UHRF1: variants seen among roughly 807,000 people sequenced by gnomAD.
UHRF1 encodes the protein E3 ubiquitin-protein ligase UHRF1.
A neutral mutation model predicts 96.5 loss-of-function variants in UHRF1; 9 were observed. The observed-to-expected ratio is 0.09, with a 90% CI of 0.06 to 0.16. UHRF1 has a LOEUF of 0.16. UHRF1 is among the 10% of genes least tolerant of loss of function. The pLI, the probability that UHRF1 is intolerant of heterozygous loss-of-function variation, is 1.00. For missense variants in UHRF1, 626 were observed against 1,131.1 expected (o/e 0.55, Z 6.40); for synonymous variants, 455 against 469.9 (o/e 0.97, Z 0.41).
At chr19:4,951,934 T>A (rs1374781321) in intron 13 of UHRF1, among the ~76,000 whole-genome samples, 1 of 152,124 alleles carries the variant, frequency 6.6e-6, no homozygotes, top group Non-Finnish European at 1.5e-5. Context: ...ATTTAAGGAA[T>A]CTTAATTGCT....
chr19:4,955,597 T>C (rs17880856), intron 15 of UHRF1, among the ~76,000 whole-genome samples: 105 of 152,092 alleles, frequency 6.9e-4, no homozygotes, highest in African/African-American at 2.5e-3. Context: ...TCTCTTCCCA[T>C]TTCCTTCAGG....
intron 2 of UHRF1, among the ~76,000 whole-genome samples, chr19:4,913,894 C>G (rs2032387602): frequency 1.3e-5 from 2 of 149,834 alleles, no homozygotes; most frequent in Non-Finnish European, 3.0e-5. Flanking sequence ...TTACCTCAAC[C>G]TCCACCTCCT....
rs1416181591 is a variant in UHRF1, at chr19:4,939,847, A to G, written c.786-1681A>G. Among the ~76,000 whole-genome samples, 3 of 152,034 alleles carry G rather than the reference A, an allele frequency of 2.0e-5. No individual in the cohort carries two copies. In the South Asian group the frequency reaches 6.2e-4, roughly 32 times the overall value. On this transcript the variant is annotated intron_variant, in intron 5 of 16. Transcript: ENST00000650932. ...AGACCATCCTGGCAAACACGGTGAA[A>G]CCCCGTCTCTACTAAAAATACAAAA...
At chr19:4,907,931 C>T (rs979079079), upstream of UHRF1, among the ~76,000 whole-genome samples, 5 of 150,044 alleles carry the variant, frequency 3.3e-5, no homozygotes, top group East Asian at 2.0e-4. Flanking sequence ...AGGCTGGTCT[C>T]GAACTCCTGA....
intron 2 of UHRF1, among the ~76,000 whole-genome samples, chr19:4,925,434 G>A (rs1193980640): frequency 3.9e-5 from 6 of 152,174 alleles, no homozygotes; most frequent in Non-Finnish European, 8.8e-5. Flanking sequence ...TGAGTGTGAT[G>A]TCCTCAAGGT....
chr19:4,919,495 A>G (rs1178209890), intron 2 of UHRF1, among the ~76,000 whole-genome samples: 1 of 151,400 alleles, frequency 6.6e-6, no homozygotes, highest in East Asian at 2.0e-4. Flanking sequence ...GTAGAGATGG[A>G]GTTTCACTGT....
At position 4,929,275 on chromosome 19, in the gene UHRF1, C is replaced by A; in HGVS notation, c.207C>A (p.Ile69=). 1 of 1,613,978 alleles carries A rather than the reference C, an allele frequency of 6.2e-7. No individual in the cohort carries two copies. Among genetic ancestry groups the A allele is most frequent in the Non-Finnish European group, 8.5e-7 (1 of 1,179,906 alleles). The change falls in exon 3 of 17, where the codon ATC becomes ATA. Residue 69 remains isoleucine, a synonymous_variant. Transcript: ENST00000650932. ...ACGAGGTCCGCCTGAATGACACCAT[C>A]CAGCTCCTGGTCCGCCAGAGCCTCG... The part of the protein sequence containing the change: ...FDYEVRLNDT[I]QLLVRQSLVL...
intron 13 of UHRF1, among the ~76,000 whole-genome samples, chr19:4,953,897 T>G (rs959266650): frequency 6.6e-6 from 1 of 151,984 alleles, no homozygotes; most frequent in African/African-American, 2.4e-5. Context: ...AATACAAAAA[T>G]TAGCTGGGTG....
intron 7 of UHRF1, among the ~76,000 whole-genome samples, chr19:4,942,200 CT>C (rs943037431): frequency 6.8e-5 from 10 of 147,482 alleles, no homozygotes; most frequent in East Asian, 2.0e-4. Context: ...TTTTTCTTTT[CT>C]TTTTTTTTTG....
At chr19:4,941,718 G>T in intron 6 of UHRF1, 27 bp from the exon 7 acceptor site, 1 of 1,554,438 alleles carries the variant, frequency 6.4e-7, no homozygotes, top group Admixed American at 2.0e-5. Context: ...GGCCCCGCCG[G>T]AGCTGACCCT....
At chr19:4,926,043 A>G (rs190520) in intron 2 of UHRF1, among the ~76,000 whole-genome samples, 86,112 of 151,606 alleles carry the variant, frequency 0.57, 25,605 homozygotes, top group African/African-American at 0.7. Context: ...GATTACAGGC[A>G]CCTGCCACTA....
At chr19:4,947,634 G>T (rs1264313342) in intron 11 of UHRF1, among the ~76,000 whole-genome samples, 1 of 151,372 alleles carries the variant, frequency 6.6e-6, no homozygotes, top group African/African-American at 2.4e-5. Context: ...CTGAGTAGCT[G>T]GGATTACAGG....
At chr19:4,957,931 T>C (rs929055371) in intron 16 of UHRF1, among the ~76,000 whole-genome samples, 2 of 152,218 alleles carry the variant, frequency 1.3e-5, no homozygotes, top group African/African-American at 2.4e-5. Context: ...TGGAAGGGAC[T>C]GACCCTGCCA....
intron 10 of UHRF1, 91 bp from the exon 11 acceptor site, chr19:4,947,014 G>A (rs1599289819): frequency 1.4e-5 from 14 of 969,966 alleles, no homozygotes; most frequent in Middle Eastern, 3.3e-4. Flanking sequence ...TTCTTTGAAA[G>A]TAGCCATCCT....
upstream of UHRF1, among the ~76,000 whole-genome samples, chr19:4,906,342 C>T (rs991497626): frequency 6.6e-6 from 1 of 152,110 alleles, no homozygotes; most frequent in East Asian, 1.9e-4. Context: ...GGAACTGGAG[C>T]CCTCAATCAA....
intron 2 of UHRF1, among the ~76,000 whole-genome samples, chr19:4,924,988 G>C (rs2146317687): frequency 6.6e-6 from 1 of 151,920 alleles, no homozygotes; most frequent in South Asian, 2.1e-4. Context: ...CACCACGCCT[G>C]GCTAATTTTT....
intron 2 of UHRF1, among the ~76,000 whole-genome samples, chr19:4,924,831 T>G (rs1411820266): frequency 4.0e-5 from 6 of 150,636 alleles, no homozygotes; most frequent in African/African-American, 1.2e-4. Context: ...GTTAAGTTTT[T>G]TTTTTTTTTT....
chr19:4,941,653 C>A, intron 6 of UHRF1, 25 bp downstream of exon 6: 1 of 1,605,146 alleles, frequency 6.2e-7, no homozygotes, highest in African/African-American at 1.3e-5. Flanking sequence ...AGCCTTTCCC[C>A]ATCTTCCGCG....
intron 1 of UHRF1, among the ~76,000 whole-genome samples, chr19:4,904,118 G>A (rs866891489): frequency 4.0e-5 from 6 of 150,364 alleles, no homozygotes; most frequent in African/African-American, 1.2e-4. Flanking sequence ...CTGGGATTAC[G>A]GGCATGGGGG....
Sources: allele counts gnomAD v4.1 joint callset (sites outside exome capture counted in the v4.1 genomes callset), GRCh38; gene constraint gnomAD v4.1.1; transcripts MANE v1.5; gene names NCBI Gene and HGNC (gene_info 2026-07-23, HGNC 2026-07-21).